ADIPOR2: variants seen among roughly 807,000 people sequenced by gnomAD.
ADIPOR2 encodes adiponectin receptor 2.
In ADIPOR2, 18 loss-of-function variants were observed where a neutral mutation model predicts 40.9. The observed-to-expected ratio is 0.44, with a 90% CI of 0.30 to 0.65. The LOEUF (loss-of-function observed/expected upper bound fraction) is 0.65, where lower values mean the gene tolerates loss of function less well. ADIPOR2 is among the 30% of genes least tolerant of loss of function. The pLI is 0.09. For missense variants in ADIPOR2, 283 were observed against 479.2 expected (o/e 0.59, Z 3.82); for synonymous variants, 165 against 166.4 (o/e 0.99, Z 0.06).
chr12:1,704,055 A>AT (rs57190793), intron 1 of ADIPOR2, among the ~76,000 whole-genome samples: 14,237 of 67,528 alleles, frequency 0.21, 1,374 homozygotes, highest in Admixed American at 0.25. Context: ...TCTACCTGGA[A>AT]TTTTTTTTTT....
chr12:1,777,024 C>T (rs1428707323), intron 3 of ADIPOR2, among the ~76,000 whole-genome samples: 1 of 152,138 alleles, frequency 6.6e-6, no homozygotes, highest in Non-Finnish European at 1.5e-5. Context: ...TTTTCTGACT[C>T]CTGTGCTCTT....
chr12:1,740,149 G>A (rs1326573447), intron 1 of ADIPOR2, among the ~76,000 whole-genome samples: 1 of 152,114 alleles, frequency 6.6e-6, no homozygotes, highest in Non-Finnish European at 1.5e-5. Flanking sequence ...AAAGGATTAT[G>A]ATGATGCCTA....
chr12:1,721,205 CTTTTTTTTTTTTTTTTTTTT>C, intron 1 of ADIPOR2, among the ~76,000 whole-genome samples: 1 of 58,208 alleles, frequency 1.7e-5, no homozygotes, highest in Middle Eastern at 0.021. Flanking sequence ...ATAAAATAAA[CTTTTTTTTTTTTTTTTTTTT>C]TTTTTTTTTT....
At chr12:1,713,736 C>T (rs1418459242) in intron 1 of ADIPOR2, among the ~76,000 whole-genome samples, 6 of 152,124 alleles carry the variant, frequency 3.9e-5, no homozygotes, top group Non-Finnish European at 8.8e-5. Flanking sequence ...CTCCCAATTA[C>T]CACTGAGAAG....
intron 1 of ADIPOR2, among the ~76,000 whole-genome samples, chr12:1,716,001 CT>C (rs200781523): frequency 0.015 from 2,289 of 152,222 alleles, 26 homozygotes; most frequent in Middle Eastern, 0.054. Flanking sequence ...AAGCTTTGTT[CT>C]TTCGCTCTTC....
intron 1 of ADIPOR2, among the ~76,000 whole-genome samples, chr12:1,724,522 A>T (rs2094704036): frequency 6.6e-6 from 1 of 152,172 alleles, no homozygotes; most frequent in South Asian, 2.1e-4. Flanking sequence ...TTTAACGGGT[A>T]TAGTTTCAGT....
At chr12:1,744,257 A>G (rs1001204245) in intron 1 of ADIPOR2, among the ~76,000 whole-genome samples, 4 of 151,920 alleles carry the variant, frequency 2.6e-5, no homozygotes, top group African/African-American at 9.7e-5. Context: ...GGCAGCCGCC[A>G]CCACACCTGG....
chr12:1,733,059 C>T (rs2154442621), intron 1 of ADIPOR2, among the ~76,000 whole-genome samples: 1 of 152,208 alleles, frequency 6.6e-6, no homozygotes, highest in South Asian at 2.1e-4. Context: ...TGGAGGTTTG[C>T]TGCAGTTTAT....
At chr12:1,775,577 C>T (rs187077504) in intron 3 of ADIPOR2, among the ~76,000 whole-genome samples, 2 of 152,256 alleles carry the variant, frequency 1.3e-5, no homozygotes, top group Non-Finnish European at 2.9e-5. Flanking sequence ...AGCAGAGTAG[C>T]AGTTTGGATA....
At chr12:1,750,941 T>A (rs2154443350) in intron 1 of ADIPOR2, among the ~76,000 whole-genome samples, 1 of 152,230 alleles carries the variant, frequency 6.6e-6, no homozygotes, top group Admixed American at 6.5e-5. Flanking sequence ...CCTCATTTAA[T>A]TATCTAAGAC....
In ADIPOR2 at chr12:1,768,012, A is replaced by G. The variant is rs559118112; in HGVS notation, c.172-4830A>G. Among the ~76,000 whole-genome samples, 30 of 152,342 alleles carry G rather than the reference A, an allele frequency of 2.0e-4. 1 individual carries two copies. In the South Asian group the frequency reaches 6.0e-3, roughly 30 times the overall value. On this transcript the variant is annotated intron_variant, in intron 2 of 7. Transcript: ENST00000357103. ...TTCCTGGGCAAGAATTTCCGAGAACAAATAATAAAGTTCTGTTGATATAGG... is the reference window on the plus strand; with the variant it reads ...TTCCTGGGCAAGAATTTCCGAGAACGAATAATAAAGTTCTGTTGATATAGG...
chr12:1,725,130 T>G (rs989566208), intron 1 of ADIPOR2, among the ~76,000 whole-genome samples: 10 of 151,738 alleles, frequency 6.6e-5, no homozygotes, highest in Non-Finnish European at 1.5e-4. Flanking sequence ...ACTTTCTTTT[T>G]TTTTTTTTTT....
At chr12:1,695,319 G>C (rs1192959560) in intron 1 of ADIPOR2, among the ~76,000 whole-genome samples, 3 of 146,850 alleles carry the variant, frequency 2.0e-5, no homozygotes, top group Non-Finnish European at 4.6e-5. Flanking sequence ...GCATGACTCT[G>C]ACCAGTCTGG....
chr12:1,752,230 C>CTTTTTT (rs67598229), intron 1 of ADIPOR2, among the ~76,000 whole-genome samples: 7,770 of 74,694 alleles, frequency 0.1, 1,617 homozygotes, highest in African/African-American at 0.23. Context: ...CTCCTGGCCT[C>CTTTTTT]TTTTTTTTTT....
At chr12:1,731,958 G>T (rs910959602) in intron 1 of ADIPOR2, among the ~76,000 whole-genome samples, 5 of 150,770 alleles carry the variant, frequency 3.3e-5, no homozygotes, top group African/African-American at 7.3e-5. Flanking sequence ...AGTGAGACTT[G>T]GTCTGAAAAC....
At chr12:1,776,829 A>C (rs942799898) in intron 3 of ADIPOR2, among the ~76,000 whole-genome samples, 11 of 152,220 alleles carry the variant, frequency 7.2e-5, no homozygotes, top group African/African-American at 2.4e-4. Context: ...ATAGTCATGT[A>C]CTGGCTTTGA....
At chr12:1,784,141 T>A in intron 7 of ADIPOR2, 68 bp downstream of exon 7, 1 of 1,437,310 alleles carries the variant, frequency 7.0e-7, no homozygotes, top group Non-Finnish European at 9.2e-7. Context: ...TGCAGAGTGA[T>A]GCAATAGAAA....
chr12:1,753,277 A>G (rs1054137608), intron 1 of ADIPOR2, among the ~76,000 whole-genome samples: 2 of 152,116 alleles, frequency 1.3e-5, no homozygotes, highest in Admixed American at 6.6e-5. Context: ...TCCTTATTGG[A>G]TATTCAACTA....
chr12:1,711,901 C>T (rs983659993), intron 1 of ADIPOR2, among the ~76,000 whole-genome samples: 3 of 152,170 alleles, frequency 2.0e-5, no homozygotes, highest in African/African-American at 4.8e-5. Flanking sequence ...TAGGAACTCC[C>T]TTTCTTTCCA....
Sources: gnomAD v4.1 joint callset for allele counts (sites outside exome capture counted in the v4.1 genomes callset) on GRCh38, gnomAD v4.1.1 for gene constraint, MANE v1.5 for transcripts, NCBI Gene and HGNC (gene_info 2026-07-23, HGNC 2026-07-21) for gene names.